LRBA: variants seen among roughly 807,000 people sequenced by gnomAD.
LRBA encodes lipopolysaccharide-responsive and beige-like anchor protein.
A neutral mutation model predicts 330.0 loss-of-function variants in LRBA; 176 were observed. The observed-to-expected ratio is 0.53, with a 90% CI of 0.47 to 0.60. The LOEUF is 0.60. Ranked by LOEUF, LRBA falls within the 20% of genes least tolerant of loss-of-function variation. LRBA has a pLI of 0.00. For missense variants in LRBA, 3,259 were observed against 3,444.8 expected (o/e 0.95, Z 1.35); for synonymous variants, 1,230 against 1,193.0 (o/e 1.03, Z -0.64).
intron 37 of LRBA, among the ~76,000 whole-genome samples, chr4:150,670,140 C>A (rs763547040): frequency 2.0e-5 from 3 of 152,092 alleles, no homozygotes; most frequent in Non-Finnish European, 4.4e-5. Context: ...ATTATTCCAT[C>A]GCCTTAAGTT....
In LRBA at chr4:150,505,229, C is replaced by A. The variant is rs529899936; in HGVS notation, c.6331-14194G>T. On this transcript the variant is annotated intron_variant, in intron 40 of 56. Transcript: ENST00000651943. The stretch of plus-strand genomic sequence containing the variant: ...GAACTCAGCTCTGCACCAAGCAGAC[C>A]TAATAGACATCTACAGAACTCTCCA... Among the ~76,000 whole-genome samples the A allele has an allele frequency of 4.8e-4, 73 of 152,276 alleles. 1 individual carries two copies. The East Asian group carries it at 0.012, about 25-fold the overall frequency.
intron 28 of LRBA, chr4:150,840,947 G>C: frequency 8.7e-7 from 1 of 1,143,458 alleles, no homozygotes; most frequent in Non-Finnish European, 1.1e-6. Flanking sequence ...TAGAAGATAG[G>C]CTCAATTTGA....
chr4:150,707,402 A>G (rs1403132125), intron 36 of LRBA, among the ~76,000 whole-genome samples: 2 of 151,716 alleles, frequency 1.3e-5, no homozygotes, highest in Admixed American at 1.3e-4. Context: ...AAAAAGCAAA[A>G]GAAATTGGAT....
chr4:150,904,504 T>C (rs1731096951), intron 13 of LRBA, among the ~76,000 whole-genome samples: 2 of 152,120 alleles, frequency 1.3e-5, no homozygotes. Context: ...ATAATAATAC[T>C]AGGAAACTAA....
At chr4:150,465,349 C>T (rs749948821) in intron 44 of LRBA, among the ~76,000 whole-genome samples, 3 of 152,154 alleles carry the variant, frequency 2.0e-5, no homozygotes, top group African/African-American at 4.8e-5. Flanking sequence ...TTGTGTGTCA[C>T]GCTGCTACAA....
intron 2 of LRBA, among the ~76,000 whole-genome samples, chr4:150,942,263 T>C (rs930709394): frequency 1.3e-5 from 2 of 152,208 alleles, no homozygotes; most frequent in Admixed American, 6.5e-5. Flanking sequence ...GTCCCTTCTC[T>C]AAGATCATAA....
rs1348456481 is a variant in LRBA, at chr4:150,916,518, G to C, written c.777C>G (p.Thr259=). ...GAGCAGAATAGCCAAGACCTTTGCT[G>C]GTTCTGAAACTATAAAGAATAGTTT... ...KDKPYLYCFR[T]SKGLGYSAHF... is the part of the protein sequence containing the mutation. Residue 259 remains threonine (T), a synonymous_variant, in exon 7 of 57, where the codon ACC becomes ACG. Transcript: ENST00000651943. The C allele has an allele frequency of 1.2e-6, 2 of 1,613,038 alleles. No individual in the cohort carries two copies. Among genetic ancestry groups the C allele is most frequent in the South Asian group, 1.1e-5 (1 of 90,778 alleles).
At chr4:150,874,145 G>A (rs1045438655) in intron 17 of LRBA, among the ~76,000 whole-genome samples, 1 of 152,090 alleles carries the variant, frequency 6.6e-6, no homozygotes, top group Non-Finnish European at 1.5e-5. Context: ...GAGGGCTTTA[G>A]CATTTCTCAG....
At chr4:150,667,153 G>A (rs559455970) in intron 37 of LRBA, among the ~76,000 whole-genome samples, 5 of 152,192 alleles carry the variant, frequency 3.3e-5, no homozygotes, top group African/African-American at 4.8e-5. Context: ...TCAGAGGATA[G>A]ACACTGTGCT....
chr4:150,653,422 C>A lies in LRBA; in HGVS notation c.5921+30129G>T, dbSNP rs77475401. On this transcript the variant is annotated intron_variant, in intron 37 of 56. Transcript: ENST00000651943. ...TTCTTTTACTTTTAGACTGTCTCAT[C>A]TTCTGGATAGTAAAAGCTACTTCAT... Among the ~76,000 whole-genome samples the A allele has an allele frequency of 2.6e-4, 39 of 152,292 alleles. No individual in the cohort carries two copies. In the East Asian group the frequency reaches 7.1e-3, roughly 28 times the overall value.
intron 25 of LRBA, 53 bp downstream of exon 25, chr4:150,849,369 T>C (rs1477181800): frequency 7.2e-6 from 11 of 1,530,628 alleles, no homozygotes; most frequent in Non-Finnish European, 9.0e-6. Flanking sequence ...GTCAATAAAG[T>C]TGCATAACAC....
intron 36 of LRBA, among the ~76,000 whole-genome samples, chr4:150,704,740 T>G (rs910050869): frequency 6.6e-6 from 1 of 152,136 alleles, no homozygotes; most frequent in Admixed American, 6.6e-5. Context: ...ATATAATTTG[T>G]AATAAATTGA....
chr4:150,532,864 A>C (rs1232190181), intron 40 of LRBA, among the ~76,000 whole-genome samples: 1 of 152,168 alleles, frequency 6.6e-6, no homozygotes, highest in African/African-American at 2.4e-5. Flanking sequence ...ACATCACAAC[A>C]ATTGTTGAAC....
intron 28 of LRBA, among the ~76,000 whole-genome samples, chr4:150,839,223 A>G (rs146103366): frequency 0.089 from 13,505 of 152,254 alleles, 1,040 homozygotes; most frequent in African/African-American, 0.22. Flanking sequence ...GCGATCATTA[A>G]AAAGTCAGGA....
At chr4:150,423,599 G>C (rs1749127819) in intron 46 of LRBA, 2 of 332,382 alleles carry the variant, frequency 6.0e-6, no homozygotes, top group Non-Finnish European at 1.2e-5. Flanking sequence ...CACAAAAGGA[G>C]AGACCGAATG....
chr4:150,987,354 G>A (rs1183334008), intron 2 of LRBA, among the ~76,000 whole-genome samples: 1 of 152,150 alleles, frequency 6.6e-6, no homozygotes, highest in African/African-American at 2.4e-5. Context: ...TGAAAATAAG[G>A]TACTTACAGA....
Position 150,916,896 on chromosome 4 carries a change from G to A in LRBA, c.646-158C>T, listed in dbSNP as rs542726509. On this transcript the variant is annotated intron_variant, in intron 5 of 56. Coordinates refer to ENST00000651943, the MANE Select transcript of LRBA (RefSeq NM_001364905.1). ...AGGCCGGGCGCGGTGGCTCACGCCT[G>A]TAATCCCAGCACTTTGGGAGGCCGA... is the stretch of plus-strand genomic sequence containing the variant. Among the ~76,000 whole-genome samples, 11 of 152,318 alleles carry A rather than the reference G, an allele frequency of 7.2e-5. No homozygotes were observed. In the East Asian group the frequency reaches 1.7e-3, roughly 24 times the overall value.
At chr4:150,502,874 G>A (rs955178318) in intron 40 of LRBA, among the ~76,000 whole-genome samples, 14 of 152,226 alleles carry the variant, frequency 9.2e-5, no homozygotes, top group African/African-American at 3.1e-4. Flanking sequence ...CTTTCCCAAC[G>A]GGCTTAAAAA....
chr4:150,807,929 C>T (rs995624737), intron 32 of LRBA, among the ~76,000 whole-genome samples: 1 of 152,112 alleles, frequency 6.6e-6, no homozygotes, highest in African/African-American at 2.4e-5. Context: ...GGATTACAGG[C>T]GTGAGCCACC....
Sources: gnomAD v4.1 joint callset for allele counts (sites outside exome capture counted in the v4.1 genomes callset) on GRCh38, gnomAD v4.1.1 for gene constraint, MANE v1.5 for transcripts, NCBI Gene and HGNC (gene_info 2026-07-23, HGNC 2026-07-21) for gene names.